The following PRPS2 variants were observed in gnomAD, a reference collection of about 807,000 sequenced individuals.
The protein encoded by PRPS2 is ribose-phosphate pyrophosphokinase 2.
For synonymous variants in PRPS2, 111 were observed against 115.3 expected, an observed-to-expected ratio of 0.96 and a Z score of 0.24; for missense variants, 104 against 271.5, an observed-to-expected ratio of 0.38 and a Z score of 4.34.
chrX:12,807,719 G>T (rs1308101032), intron 2 of PRPS2, among the ~76,000 whole-genome samples: 1 of 111,182 alleles, frequency 9.0e-6, no homozygotes, highest in Non-Finnish European at 1.9e-5. Context: ...CATGAGTTAT[G>T]ATCTATAATT....
At chrX:12,808,316 A>G (rs376904768) in intron 2 of PRPS2, among the ~76,000 whole-genome samples, 1 of 40,178 alleles carries the variant, frequency 2.5e-5, no homozygotes, top group Admixed American at 3.1e-4. Flanking sequence ...GTGTGTGTGT[A>G]ACAAGGATCA....
intron 1 of PRPS2, among the ~76,000 whole-genome samples, chrX:12,794,712 G>A (rs184795668): frequency 6.6e-4 from 74 of 111,926 alleles, no homozygotes; most frequent in African/African-American, 2.0e-3. Context: ...ATCTTTTTGA[G>A]TAGAAGCAGG....
At chrX:12,814,732 C>T (rs1297007447) in intron 4 of PRPS2, among the ~76,000 whole-genome samples, 1 of 111,806 alleles carries the variant, frequency 8.9e-6, no homozygotes, top group Non-Finnish European at 1.9e-5. Context: ...AAGTGTCAAC[C>T]TAAAAGTGGT....
At chrX:12,811,577 A>G (rs900699566) in intron 4 of PRPS2, among the ~76,000 whole-genome samples, 2 of 111,264 alleles carry the variant, frequency 1.8e-5, no homozygotes, top group East Asian at 5.6e-4. Context: ...AGAGACTTCT[A>G]CCCCCCAGTC....
chrX:12,809,960 AAAAACAAAAGAAAAC>A lies in PRPS2; in HGVS notation c.406-52_406-38del, dbSNP rs748958013. 8.0e-4 allele frequency: 869 copies of A among 1,088,575 alleles called. 3 individuals are homozygous for A. In the African/African-American group the frequency reaches 0.016, roughly 20 times the overall value. 89.7% of individuals were successfully genotyped at this position (1,088,575 alleles called of 1,213,427 possible). A position where few individuals can be genotyped will look rare whatever the true frequency, so the allele number is the denominator to read the frequency against. On this transcript the variant is annotated intron_variant, in intron 3 of 6. Transcript: ENST00000380668. ...TTTAATGAAAGCGATTATCGTTTAA[AAAAACAAAAGAAAAC>A]AAAACAAAACAAAACCCTGCAACAT...
In PRPS2 at chrX:12,811,176, T is replaced by C. The variant is rs1029508038; in HGVS notation, c.530+1030T>C. 1.4e-4 allele frequency among the ~76,000 whole-genome samples: 16 copies of C among 112,519 alleles called. 1 individual carries two copies. Among genetic ancestry groups the C allele is most frequent in the African/African-American group, 5.2e-4 (16 of 30,938 alleles). ...ACACAGTCCACGCAGGCCCAGCATG[T>C]GCAGACAACAGGGCAGCAGGCAGCC... On this transcript the variant is annotated intron_variant, in intron 4 of 6. Coordinates refer to ENST00000380668, the MANE Select transcript of PRPS2 (RefSeq NM_002765.5).
chrX:12,812,487 C>T (rs1408208996), intron 4 of PRPS2, among the ~76,000 whole-genome samples: 2 of 111,070 alleles, frequency 1.8e-5, no homozygotes, highest in East Asian at 5.6e-4. Context: ...ATTAGCTGGG[C>T]TTGGTGGTGC....
chrX:12,823,652 G>A lies in PRPS2; in HGVS notation c.*856G>A, dbSNP rs2042686910. The A allele has an allele frequency of 8.9e-6, 1 of 112,216 alleles. No individual in the cohort carries two copies. The highest frequency in any genetic ancestry group is 1.9e-5 in the Non-Finnish European group (1 of 53,296). The allele number at this position is 112,216 out of a possible 1,213,427, so 9.2% of individuals were successfully genotyped here. A position where few individuals can be genotyped will look rare whatever the true frequency, so the allele number is the denominator to read the frequency against. On this transcript the variant is annotated 3_prime_UTR_variant, in exon 7 of 7. Transcript: ENST00000380668. ...AGCTAGTTTTAAAATAATGATCTCA[G>A]ATTTTTAAAAAGGATATAGGAACCT...
rs1354106803 is a variant in PRPS2 at position 12,822,829 on chromosome X, C to G, written c.*33C>G. Reference sequence around the variant, plus strand: ...ATGGGAAGTGTCCAGCAAGCCTACTCTGACTTCTGACTTGTTTTTGTTTTC... The same window carrying G: ...ATGGGAAGTGTCCAGCAAGCCTACTGTGACTTCTGACTTGTTTTTGTTTTC... On this transcript the variant is annotated 3_prime_UTR_variant, in exon 7 of 7. Transcript: ENST00000380668. The G allele has an allele frequency of 8.9e-7, 1 of 1,123,117 alleles. No homozygotes were observed. The highest frequency in any genetic ancestry group is 2.2e-5 in the Admixed American group (1 of 44,689). The allele number at this position is 1,123,117 out of a possible 1,213,427, so 92.6% of individuals were successfully genotyped here. A position where few individuals can be genotyped will look rare whatever the true frequency, so the allele number is the denominator to read the frequency against.
At chrX:12,799,477 G>A in intron 2 of PRPS2, 87 bp downstream of exon 2, 1 of 968,309 alleles carries the variant, frequency 1.0e-6, no homozygotes, top group Non-Finnish European at 1.4e-6. Context: ...AGAATTATCT[G>A]GAAAATGTTG....
At position 12,822,802 on chromosome X, in the gene PRPS2, G is replaced by C. The variant is rs1182346483; in HGVS notation, c.*6G>C. The C allele has an allele frequency of 8.3e-7, 1 of 1,198,625 alleles. No homozygotes were observed. Among genetic ancestry groups the C allele is most frequent in the African/African-American group, 1.8e-5 (1 of 57,120 alleles). On this transcript the variant is annotated 3_prime_UTR_variant, in exon 7 of 7. Transcript: ENST00000380668. ...TCAGCCATGTCCCGCTATAAATCCA[G>C]AATGGGAAGTGTCCAGCAAGCCTAC... is the stretch of plus-strand genomic sequence containing the variant.
chrX:12,795,233 A>G (rs2042537733), intron 1 of PRPS2, among the ~76,000 whole-genome samples: 2 of 111,765 alleles, frequency 1.8e-5, no homozygotes, highest in African/African-American at 6.5e-5. Context: ...AGCAACCTGA[A>G]TGCTATCTGC....
chrX:12,815,668 G>C (rs1222172240), intron 4 of PRPS2, among the ~76,000 whole-genome samples: 7 of 111,522 alleles, frequency 6.3e-5, no homozygotes, highest in African/African-American at 2.3e-4. Context: ...TTTTGAGATG[G>C]AGTCTCGCTC....
At chrX:12,801,797 C>T (rs767670277) in intron 2 of PRPS2, among the ~76,000 whole-genome samples, 3 of 111,742 alleles carry the variant, frequency 2.7e-5, no homozygotes, top group Admixed American at 9.4e-5. Flanking sequence ...TTGGTAGAGA[C>T]GAGGTTTCAC....
chrX:12,819,303 G>GGTCATT (rs1260220473), intron 4 of PRPS2, among the ~76,000 whole-genome samples: 1 of 112,202 alleles, frequency 8.9e-6, no homozygotes, highest in Non-Finnish European at 1.9e-5. Flanking sequence ...ATTCCTAGCT[G>GGTCATT]CCCCAATTGC....
intron 4 of PRPS2, among the ~76,000 whole-genome samples, chrX:12,816,240 A>G: frequency 9.0e-6 from 1 of 111,531 alleles, no homozygotes; most frequent in Non-Finnish European, 1.9e-5. Context: ...TTAACTGGAA[A>G]GTTTGGTCCC....
At chrX:12,797,189 T>C (rs1238944636) in intron 1 of PRPS2, among the ~76,000 whole-genome samples, 1 of 109,604 alleles carries the variant, frequency 9.1e-6, no homozygotes, top group East Asian at 2.9e-4. Context: ...AAAACCTCCC[T>C]CCACTAAAAA....
chrX:12,809,610 A>G (rs1229673224), intron 3 of PRPS2, among the ~76,000 whole-genome samples: 1 of 111,990 alleles, frequency 8.9e-6, no homozygotes, highest in African/African-American at 3.2e-5. Flanking sequence ...CATAATGTAC[A>G]CTTTTTAACT....
At chrX:12,809,108 G>A in intron 2 of PRPS2, 126 bp from the exon 3 acceptor site, 2 of 559,115 alleles carry the variant, frequency 3.6e-6, no homozygotes, top group East Asian at 6.9e-5. Context: ...GTCACAACAT[G>A]TATAATTTTC....
Sources: gnomAD v4.1 joint callset for allele counts (sites outside exome capture counted in the v4.1 genomes callset) on GRCh38, gnomAD v4.1.1 for gene constraint, MANE v1.5 for transcripts, NCBI Gene and HGNC (gene_info 2026-07-23, HGNC 2026-07-21) for gene names.